The following VPS11 variants were observed in gnomAD, a reference collection of about 807,000 sequenced individuals.
The protein encoded by VPS11 is VPS11 core subunit of CORVET and HOPS complexes.
Under a neutral mutation model 106.8 loss-of-function variants are expected in VPS11, and 51 were observed. The ratio of observed to expected loss-of-function variants is 0.48; its 90% CI spans 0.38 to 0.60. The LOEUF (loss-of-function observed/expected upper bound fraction) is 0.60. VPS11 is among the 20% of genes least tolerant of loss of function. The pLI, the probability that VPS11 is intolerant of heterozygous loss-of-function variation, is 0.00. For missense variants in VPS11, 950 were observed against 1,190.0 expected, an observed-to-expected ratio of 0.80 and a Z score of 2.97; for synonymous variants, 453 against 458.7, an observed-to-expected ratio of 0.99 and a Z score of 0.16.
At chr11:119,080,039 C>A (rs1243404646) in intron 14 of VPS11, among the ~76,000 whole-genome samples, 1 of 152,122 alleles carries the variant, frequency 6.6e-6, no homozygotes, top group African/African-American at 2.4e-5. Context: ...AGACAGACAG[C>A]AAACATGTTA....
chr11:119,081,746 C>A lies in VPS11; in HGVS notation c.*123C>A. ...AGGGCTCCACTCTCATCTAATGTCA[C>A]AGCCCTCAGAACTAAAGCGGACTTT... On this transcript the variant is annotated 3_prime_UTR_variant, in exon 16 of 16. Coordinates refer to ENST00000621676, the MANE Select transcript of VPS11 (RefSeq NM_021729.6). The A allele has an allele frequency of 7.6e-7, 1 of 1,319,466 alleles. No individual in the cohort carries two copies. The highest frequency in any genetic ancestry group is 1.0e-6 in the Non-Finnish European group (1 of 977,844). 81.7% of individuals were successfully genotyped at this position (1,319,466 alleles called of 1,614,324 possible).
In VPS11 at chr11:119,078,571, G is replaced by C. The variant is rs1565743763; in HGVS notation, c.1930G>C (p.Glu644Gln). ...WAHEKDPQVK[E>Q]KLHAEAISLL... ...TGCCCTCCTTCCTCTCCAGGTCAAA[G>C]AGAAGCTTCACGCAGAGGCCATTTC... is the stretch of plus-strand genomic sequence containing the variant. Residue 644 changes from glutamate to glutamine, a missense_variant, in exon 12 of 16, where the codon GAG (glutamate) becomes CAG (glutamine). Glu to Gln is a conservative substitution (Grantham distance 29). Coordinates refer to ENST00000621676, the MANE Select transcript of VPS11 (RefSeq NM_021729.6). 6.2e-7 allele frequency: 1 copy of C among 1,608,834 alleles called. No homozygotes were observed. Among genetic ancestry groups the C allele is most frequent in the Non-Finnish European group, 8.5e-7 (1 of 1,175,680 alleles).
chr11:119,077,117 G>A (rs782223568), intron 8 of VPS11, 34 bp downstream of exon 8: 6 of 1,591,256 alleles, frequency 3.8e-6, no homozygotes, highest in Non-Finnish European at 5.1e-6. Context: ...AGTCTTGGAG[G>A]CCCCACTGAG....
intron 4 of VPS11, among the ~76,000 whole-genome samples, chr11:119,071,269 C>T (rs569563234): frequency 4.6e-5 from 7 of 152,146 alleles, no homozygotes; most frequent in Non-Finnish European, 8.8e-5. Flanking sequence ...GGACAAGTAT[C>T]TTTACCTTTC....
At chr11:119,069,710 G>A in intron 3 of VPS11, 133 bp downstream of exon 3, 1 of 1,319,576 alleles carries the variant, frequency 7.6e-7, no homozygotes, top group Non-Finnish European at 1.0e-6. Flanking sequence ...TTAAATTTTG[G>A]AATGGGGGCC....
Position 119,071,506 on chromosome 11 carries a change from A to G in VPS11, c.637-90A>G, listed in dbSNP as rs192412381. 1,653 of 1,507,486 alleles carry G rather than the reference A, an allele frequency of 1.1e-3. 24 individuals carry two copies. In the African/African-American group the frequency reaches 0.02, roughly 19 times the overall value. 93.4% of individuals were successfully genotyped at this position (1,507,486 alleles called of 1,614,324 possible). A position where few individuals can be genotyped will look rare whatever the true frequency, so the allele number is the denominator to read the frequency against. On this transcript the variant is annotated intron_variant, in intron 4 of 15. Coordinates refer to ENST00000621676, the MANE Select transcript of VPS11 (RefSeq NM_021729.6). ...GACTTTAGAATGCCAAGAGGGAAAA[A>G]AGAGCCAGTATGGAGATGGGAATAC...
Position 119,073,306 on chromosome 11 carries a change from G to A in VPS11, c.993G>A (p.Val331=), listed in dbSNP as rs782236608. ...IAYSTVFEDV[V]DVLAEWGSLY... is the part of the protein sequence containing the mutation. ...ATAGCACCGTCTTTGAGGATGTAGT[G>A]GATGTGCTTGCTGAGTGGGGCTCCC... The change falls in exon 6 of 16, where the codon GTG becomes GTA. Residue 331 remains valine (V), a synonymous_variant. Transcript: ENST00000621676. 4 of 1,613,938 alleles carry A rather than the reference G, an allele frequency of 2.5e-6. No homozygotes were observed. The African/African-American group carries it at 5.3e-5, about 22-fold the overall frequency.
At position 119,069,155 on chromosome 11, in the gene VPS11, G is replaced by A. The variant is rs373242592; in HGVS notation, c.188-41G>A. 16 of 1,610,842 alleles carry A rather than the reference G, an allele frequency of 9.9e-6. No individual in the cohort carries two copies. The African/African-American group carries it at 1.9e-4, about 19-fold the overall frequency. On this transcript the variant is annotated intron_variant, in intron 1 of 15. Transcript: ENST00000621676. The stretch of plus-strand genomic sequence containing the variant: ...TATCTGAGTTCTGGTCTGAATGTAA[G>A]TATCTCTCCTTGGAAAGGAGGCTCC...
chr11:119,078,344 G>T lies in VPS11; in HGVS notation c.1923+10G>T. ...CGAGAAGGATCCACAGGTGAGGCCT[G>T]GCCAGGGCTTCAGGAGAAAAGACAG... On this transcript the variant is annotated intron_variant, in intron 11 of 15. Coordinates refer to ENST00000621676, the MANE Select transcript of VPS11 (RefSeq NM_021729.6). The T allele has an allele frequency of 6.2e-7, 1 of 1,607,662 alleles. No homozygotes were observed.
In VPS11 at chr11:119,069,231, C is replaced by T. The variant is rs977746277; in HGVS notation, c.223C>T (p.Leu75=). ...CCAGATCTGGTTCTTGCCACGTTCC[C>T]TACAGCTTACAGGCTTCCAAGCCTA... ...EGQIWFLPRS[L]QLTGFQAYKL... Residue 75 remains leucine (L), a synonymous_variant, in exon 2 of 16, where the codon CTA becomes TTA. Coordinates refer to ENST00000621676, the MANE Select transcript of VPS11 (RefSeq NM_021729.6). 3,101 of 1,613,956 alleles carry T rather than the reference C, an allele frequency of 1.9e-3. 26 individuals carry two copies. In the Admixed American group the frequency reaches 0.02, roughly 10 times the overall value.
In VPS11 at chr11:119,081,182, C is replaced by A; in HGVS notation, c.2529C>A (p.His843Gln). ...ACTTCCTGTGTGGCCACTCCTTCCA[C>A]CAACACTGCTTTGAGAGTTACTCGG... is the stretch of plus-strand genomic sequence containing the variant. Reference protein sequence around the residue: ...SVHFLCGHSFHQHCFESYSES... With the variant: ...SVHFLCGHSFQQHCFESYSES... The change falls in exon 15 of 16, where the codon CAC becomes CAA. Residue 843 changes from histidine (H) to glutamine (Q), a missense_variant. His to Gln is a conservative substitution (Grantham distance 24). This residue lies in a region of VPS11 where 453 missense variants were observed against 514.6 expected (regional missense o/e 0.88). Transcript: ENST00000621676. The A allele has an allele frequency of 6.2e-7, 1 of 1,614,044 alleles. No individual in the cohort carries two copies. The highest frequency in any genetic ancestry group is 8.5e-7 in the Non-Finnish European group (1 of 1,179,902).
intron 7 of VPS11, among the ~76,000 whole-genome samples, chr11:119,074,624 C>T (rs1221496903): frequency 3.9e-5 from 6 of 151,972 alleles, no homozygotes; most frequent in African/African-American, 1.2e-4. Context: ...AGGCTGGTCT[C>T]GAACTCCTGA....
Position 119,069,462 on chromosome 11 carries a change from GA to G in VPS11, c.359del (p.Lys120ArgfsTer27). 1 of 1,614,016 alleles carries G rather than the reference GA, an allele frequency of 6.2e-7. No homozygotes were observed. Among genetic ancestry groups the G allele is most frequent in the Non-Finnish European group, 8.5e-7 (1 of 1,179,890 alleles). On this transcript the variant is annotated frameshift_variant, in exon 3 of 16. Coordinates refer to ENST00000621676, the MANE Select transcript of VPS11 (RefSeq NM_021729.6). LOFTEE classifies it high-confidence loss of function. Reference protein sequence around the residue: ...NPLVKIWNLEKRDGGNPLCTR... With the variant: ...NPLVKIWNLEXRDGGNPLCTR... ...CACAGGTTAAGATCTGGAACCTGGA[GA>G]AGAGAGATGGTGGCAATCCACTCTG...
At position 119,069,432 on chromosome 11, in the gene VPS11, C is replaced by T; in HGVS notation, c.337-10C>T. The T allele has an allele frequency of 6.2e-7, 1 of 1,613,954 alleles. No homozygotes were observed. Among genetic ancestry groups the T allele is most frequent in the South Asian group, 1.1e-5 (1 of 91,088 alleles). On this transcript the variant is annotated splice_polypyrimidine_tract_variant and intron_variant, in intron 2 of 15. Transcript: ENST00000621676. ...TGACTAGCATTTACACTTCTGAGGT[C>T]TGTCCACAGGTTAAGATCTGGAACC...
intron 4 of VPS11, among the ~76,000 whole-genome samples, chr11:119,071,149 C>T (rs535207218): frequency 1.4e-4 from 21 of 152,088 alleles, no homozygotes; most frequent in African/African-American, 3.9e-4. Flanking sequence ...AGGCTGATCT[C>T]GAACTCCTGG....
chr11:119,081,364 G>C (rs782796313), intron 15 of VPS11, 50 bp downstream of exon 15: 5 of 1,611,512 alleles, frequency 3.1e-6, no homozygotes, highest in Non-Finnish European at 4.2e-6. Flanking sequence ...TAGTGTCACA[G>C]AGTCACTGGA....
rs782126937 is a variant in VPS11 at position 119,077,492 on chromosome 11, C to A, written c.1426-9C>A. On this transcript the variant is annotated splice_polypyrimidine_tract_variant and intron_variant, in intron 8 of 15. Coordinates refer to ENST00000621676, the MANE Select transcript of VPS11 (RefSeq NM_021729.6). ...GTGTAAATGATTTTGTCTCATGTCT[C>A]CCTGGCAGAAAAAGAGTGAGAGTGA... 1.2e-6 allele frequency: 2 copies of A among 1,612,528 alleles called. No homozygotes were observed. Among genetic ancestry groups the A allele is most frequent in the Admixed American group, 1.7e-5 (1 of 59,798 alleles).
At chr11:119,077,182 A>G in intron 8 of VPS11, 99 bp downstream of exon 8, 1 of 1,416,578 alleles carries the variant, frequency 7.1e-7, no homozygotes, top group Non-Finnish European at 9.6e-7. Context: ...GGGAGAGGAA[A>G]GGGCTGACCT....
In VPS11 at chr11:119,077,658, C is replaced by T. The variant is rs1210212206; in HGVS notation, c.1572+11C>T. 2 of 1,579,400 alleles carry T rather than the reference C, an allele frequency of 1.3e-6. No individual in the cohort carries two copies. Among genetic ancestry groups the T allele is most frequent in the South Asian group, 1.1e-5 (1 of 87,420 alleles). ...CTAGAAGACATTAAGGTAGGTGAGA[C>T]TGTCTTTTTTCCCCAAGAGACAGGG... On this transcript the variant is annotated intron_variant, in intron 9 of 15. Coordinates refer to ENST00000621676, the MANE Select transcript of VPS11 (RefSeq NM_021729.6).
Sources: gnomAD v4.1 joint callset for allele counts (sites outside exome capture counted in the v4.1 genomes callset) on GRCh38, gnomAD v4.1.1 for gene constraint, gnomAD v4.1.1 regional missense constraint, MANE v1.5 for transcripts, NCBI Gene and HGNC (gene_info 2026-07-23, HGNC 2026-07-21) for gene names.